The following COBL variants were observed in gnomAD, a reference collection of about 807,000 sequenced individuals.
COBL encodes the protein protein cordon-bleu.
A neutral mutation model predicts 98.8 loss-of-function variants in COBL; 51 were observed. The ratio of observed to expected loss-of-function variants is 0.52; its 90% CI spans 0.41 to 0.65. The LOEUF (loss-of-function observed/expected upper bound fraction) is 0.65, where lower values mean the gene tolerates loss of function less well. Among genes scored for constraint, COBL ranks in the 30% least tolerant of loss-of-function variants. COBL has a pLI of 0.00. For synonymous variants in COBL, 634 were observed against 651.7 expected (o/e 0.97, Z 0.41); for missense variants, 1,617 against 1,617.5 (o/e 1.00, Z 0.01).
rs369965140 is a variant in COBL, at chr7:51,118,620, T to TG, written c.957+17537dup. Among the ~76,000 whole-genome samples, 350 of 148,238 alleles carry TG rather than the reference T, an allele frequency of 2.4e-3. 2 individuals carry two copies. Among genetic ancestry groups the TG allele is most frequent in the African/African-American group, 6.6e-3 (264 of 40,206 alleles). ...GGGCTCATACAAGGATGTGAATCAC[T>TG]GGGGGGGAGAGGGGGAGGGGTGTCA... On this transcript the variant is annotated intron_variant, in intron 6 of 12. Coordinates refer to ENST00000265136, the MANE Select transcript of COBL (RefSeq NM_015198.5).
chr7:51,263,299 C>A (rs1056305902), intron 1 of COBL, among the ~76,000 whole-genome samples: 1 of 152,164 alleles, frequency 6.6e-6, no homozygotes, highest in African/African-American at 2.4e-5. Flanking sequence ...GGAGGGCCCA[C>A]GAGGTCTCAC....
rs1363684286 is a variant in COBL at position 51,028,394 on chromosome 7, G to A, written c.2702C>T (p.Pro901Leu). The change falls in exon 10 of 13, where the codon CCA (proline) becomes CTA (leucine). Residue 901 changes from proline (P) to leucine (L), a missense_variant. By Grantham distance (98) the Pro-to-Leu change is moderately conservative. Coordinates refer to ENST00000265136, the MANE Select transcript of COBL (RefSeq NM_015198.5). ...AGTGACAGGTGGTGCAGCCAGCACT[G>A]GCGCCTTGCCTGCATAACCCTTCTC... ...YAEKGYAGKA[P>L]VLAAPPVTVK... The A allele has an allele frequency of 5.0e-6, 8 of 1,614,280 alleles. No individual in the cohort carries two copies. Among genetic ancestry groups the A allele is most frequent in the Admixed American group, 1.7e-5 (1 of 60,034 alleles).
chr7:51,074,297 G>C (rs1220198396), intron 7 of COBL, among the ~76,000 whole-genome samples: 2 of 145,510 alleles, frequency 1.4e-5, no homozygotes, highest in Non-Finnish European at 3.0e-5. Flanking sequence ...CCTGATTCAA[G>C]GGATTCTCCT....
rs79692748 is a variant in COBL, at chr7:51,292,784, C to T, written c.41+23809G>A. On this transcript the variant is annotated intron_variant, in intron 1 of 12. Transcript: ENST00000265136. ...GCCCGTGGCTTGCCCAAGCCCAACT[C>T]TTTGCAGCCCCTGCAGGCCCCGAGC... is the stretch of plus-strand genomic sequence containing the variant. Among the ~76,000 whole-genome samples, 721 of 152,350 alleles carry T rather than the reference C, an allele frequency of 4.7e-3. 3 individuals are homozygous for T. The highest frequency in any genetic ancestry group is 0.016 in the African/African-American group (670 of 41,576).
chr7:51,028,963 A>G lies in COBL; in HGVS notation c.2133T>C (p.Ile711=), dbSNP rs937060167. The G allele has an allele frequency of 2.2e-5, 35 of 1,613,858 alleles. No homozygotes were observed. The highest frequency in any genetic ancestry group is 3.3e-4 in the Middle Eastern group (2 of 6,084). The change falls in exon 10 of 13, where the codon ATT becomes ATC. Residue 711 remains isoleucine, a synonymous_variant. Transcript: ENST00000265136. ...LKHGLTTYKI[I]PPKSEMRCYD... Reference sequence around the variant, plus strand: ...AACATCGCATCTCTGACTTTGGAGGAATGATTTTATACGTTGTGAGGCCGT... The same window carrying G: ...AACATCGCATCTCTGACTTTGGAGGGATGATTTTATACGTTGTGAGGCCGT...
intron 7 of COBL, among the ~76,000 whole-genome samples, chr7:51,060,037 C>T (rs150358460): frequency 3.3e-5 from 5 of 152,244 alleles, no homozygotes; most frequent in East Asian, 1.9e-4. Context: ...TAAGCTCTGC[C>T]GGATGCCTCC....
intron 7 of COBL, among the ~76,000 whole-genome samples, chr7:51,045,089 T>C (rs1361059789): frequency 1.3e-5 from 2 of 152,238 alleles, no homozygotes; most frequent in East Asian, 3.9e-4. Flanking sequence ...AGACTCTTGT[T>C]CAAGACAAAT....
At chr7:51,209,922 G>A (rs981521978) in intron 2 of COBL, among the ~76,000 whole-genome samples, 30 of 152,204 alleles carry the variant, frequency 2.0e-4, no homozygotes, top group Non-Finnish European at 4.4e-4. Flanking sequence ...CTGGTGACAG[G>A]TTTGGAGCAT....
chr7:51,111,744 T>C (rs946625056), intron 6 of COBL, among the ~76,000 whole-genome samples: 10 of 152,116 alleles, frequency 6.6e-5, no homozygotes, highest in East Asian at 1.9e-4. Flanking sequence ...GCCTCCTCAA[T>C]ACCAGGAGGA....
intron 1 of COBL, among the ~76,000 whole-genome samples, chr7:51,296,500 A>C (rs1270527807): frequency 1.3e-5 from 2 of 152,124 alleles, no homozygotes; most frequent in Non-Finnish European, 2.9e-5. Flanking sequence ...TTTTTACCAA[A>C]GTTAACTTGT....
chr7:51,255,645 C>G (rs540999695), intron 1 of COBL, among the ~76,000 whole-genome samples: 13 of 152,302 alleles, frequency 8.5e-5, no homozygotes, highest in African/African-American at 3.1e-4. Context: ...GGAAAGTTCT[C>G]TGCCGAGATC....
intron 12 of COBL, among the ~76,000 whole-genome samples, chr7:51,019,544 T>G (rs781325196): frequency 9.9e-5 from 15 of 152,166 alleles, no homozygotes; most frequent in Non-Finnish European, 2.1e-4. Context: ...GCTGGTCAAA[T>G]GTGGGGAACA....
intron 6 of COBL, among the ~76,000 whole-genome samples, chr7:51,126,061 G>C (rs981998056): frequency 6.6e-6 from 1 of 152,206 alleles, no homozygotes; most frequent in African/African-American, 2.4e-5. Flanking sequence ...GAGTGTGGTG[G>C]CTCACACTGT....
intron 1 of COBL, among the ~76,000 whole-genome samples, chr7:51,296,503 T>C (rs1801430022): frequency 6.6e-6 from 1 of 152,236 alleles, no homozygotes; most frequent in African/African-American, 2.4e-5. Flanking sequence ...TTACCAAAGT[T>C]AACTTGTGTA....
At chr7:51,215,479 A>C (rs1792942500) in intron 2 of COBL, among the ~76,000 whole-genome samples, 1 of 152,210 alleles carries the variant, frequency 6.6e-6, no homozygotes, top group Non-Finnish European at 1.5e-5. Context: ...TGATGAGTGA[A>C]GATCCAGATG....
intron 6 of COBL, among the ~76,000 whole-genome samples, chr7:51,094,797 T>A (rs570536919): frequency 6.6e-6 from 1 of 152,224 alleles, no homozygotes; most frequent in African/African-American, 2.4e-5. Context: ...AATAAAAGCA[T>A]AAAAATATAA....
chr7:51,180,767 G>A (rs1414151357), intron 5 of COBL, among the ~76,000 whole-genome samples: 1 of 152,140 alleles, frequency 6.6e-6, no homozygotes, highest in Non-Finnish European at 1.5e-5. Context: ...CTGGCTACAA[G>A]TCTCTAAAGA....
chr7:51,163,896 G>A (rs1787052285), intron 5 of COBL, among the ~76,000 whole-genome samples: 1 of 152,154 alleles, frequency 6.6e-6, no homozygotes, highest in Non-Finnish European at 1.5e-5. Context: ...CTAAATGTAT[G>A]TGTAATTTGG....
intron 1 of COBL, among the ~76,000 whole-genome samples, chr7:51,277,734 G>A (rs1012838046): frequency 2.0e-5 from 3 of 152,106 alleles, no homozygotes; most frequent in Admixed American, 1.3e-4. Context: ...TAACAATGCC[G>A]CCCCTACAGT....
Sources: allele counts gnomAD v4.1 joint callset (sites outside exome capture counted in the v4.1 genomes callset), GRCh38; gene constraint gnomAD v4.1.1; transcripts MANE v1.5; gene names NCBI Gene and HGNC (gene_info 2026-07-23, HGNC 2026-07-21).